WDR19: variants seen among roughly 807,000 people sequenced by gnomAD.
WDR19 encodes the protein WD repeat-containing protein 19.
In WDR19, 121 loss-of-function variants were observed where a neutral mutation model predicts 180.0. The ratio of observed to expected loss-of-function variants is 0.67; its 90% confidence interval spans 0.58 to 0.78. The LOEUF (loss-of-function observed/expected upper bound fraction) is 0.78, where lower values mean the gene tolerates loss of function less well. Among genes scored for constraint, WDR19 ranks in the 30% least tolerant of loss-of-function variants. The pLI is 0.00. For synonymous variants in WDR19, 497 were observed against 540.7 expected, an observed-to-expected ratio of 0.92 and a Z score of 1.12; for missense variants, 1,450 against 1,640.7, an observed-to-expected ratio of 0.88 and a Z score of 2.01.
At position 39,274,893 on chromosome 4, in the gene WDR19, G is replaced by T; in HGVS notation, c.3651G>T (p.Leu1217Phe). 1.2e-6 allele frequency: 2 copies of T among 1,614,052 alleles called. No individual in the cohort carries two copies. Among genetic ancestry groups the T allele is most frequent in the Non-Finnish European group, 1.7e-6 (2 of 1,179,900 alleles). Reference protein sequence around the residue: ...KNSAFSFAAMLMRPEYRSKID... With the variant: ...KNSAFSFAAMFMRPEYRSKID... ...CTGCTTTCAGCTTCGCAGCTATGTT[G>T]ATGAGGCCTGAATACCGCAGCAAAA... The change falls in exon 33 of 37, where the codon TTG becomes TTT. Residue 1217 changes from leucine to phenylalanine, a missense_variant. By Grantham distance (22) the Leu-to-Phe change is conservative (BLOSUM62 0). Transcript: ENST00000399820.
chr4:39,284,118 A>G (rs193184458), intron 36 of WDR19, among the ~76,000 whole-genome samples: 6 of 151,700 alleles, frequency 4.0e-5, no homozygotes, highest in Admixed American at 1.3e-4. Flanking sequence ...TTTTCCCTCA[A>G]TTGGGACATT....
chr4:39,253,021 A>G (rs780930067), intron 24 of WDR19, 125 bp from the exon 25 acceptor site: 12 of 923,802 alleles, frequency 1.3e-5, no homozygotes, highest in African/African-American at 1.7e-5. Flanking sequence ...GATAAAGGAA[A>G]AAGAAGTTCA....
chr4:39,264,061 T>C (rs1490019150), intron 28 of WDR19, among the ~76,000 whole-genome samples: 1 of 152,242 alleles, frequency 6.6e-6, no homozygotes, highest in Non-Finnish European at 1.5e-5. Flanking sequence ...GTATTTTTAT[T>C]GTCTGTATTT....
intron 1 of WDR19, 86 bp from the exon 2 acceptor site, chr4:39,185,640 G>T: frequency 2.4e-6 from 3 of 1,258,272 alleles, no homozygotes; most frequent in Non-Finnish European, 3.4e-6. Flanking sequence ...TGAAAACATG[G>T]TTTTCATGAC....
At chr4:39,242,594 G>T (rs560481612) in intron 21 of WDR19, among the ~76,000 whole-genome samples, 8 of 152,242 alleles carry the variant, frequency 5.3e-5, no homozygotes, top group African/African-American at 1.2e-4. Context: ...AGGCCAAGGT[G>T]GGAGGAATGC....
intron 15 of WDR19, among the ~76,000 whole-genome samples, 182 bp downstream of exon 15, chr4:39,225,215 T>C (rs1437821178): frequency 6.6e-6 from 1 of 152,232 alleles, no homozygotes; most frequent in Non-Finnish European, 1.5e-5. Context: ...CTTTTTCCAT[T>C]ATTCTGTAAT....
At chr4:39,280,000 G>C (rs1205190698) in intron 36 of WDR19, among the ~76,000 whole-genome samples, 1 of 151,814 alleles carries the variant, frequency 6.6e-6, no homozygotes, top group Non-Finnish European at 1.5e-5. Context: ...GCCACACCCA[G>C]CCGGGTGTTT....
chr4:39,228,525 T>G lies in WDR19; in HGVS notation c.1817T>G (p.Phe606Cys). The part of the protein sequence containing the change: ...VILAGSTKVP[F>C]AHKPLLLYNG... ...TTGGCTGGTAGCACCAAAGTTCCTT[T>G]TGCTCATAAACCTTTGCTGCTATAT... The change falls in exon 17 of 37, where the codon TTT (phenylalanine) becomes TGT (cysteine). Residue 606 changes from phenylalanine to cysteine, a missense_variant. Coordinates refer to ENST00000399820, the MANE Select transcript of WDR19 (RefSeq NM_025132.4). 1 of 1,613,916 alleles carries G rather than the reference T, an allele frequency of 6.2e-7. No homozygotes were observed. Among genetic ancestry groups the G allele is most frequent in the Non-Finnish European group, 8.5e-7 (1 of 1,179,828 alleles).
chr4:39,210,104 G>A (rs1728339071), intron 9 of WDR19, among the ~76,000 whole-genome samples: 1 of 152,116 alleles, frequency 6.6e-6, no homozygotes, highest in Admixed American at 6.6e-5. Context: ...CTTGAGAAAG[G>A]ATTAATACCA....
intron 28 of WDR19, among the ~76,000 whole-genome samples, chr4:39,264,965 C>T (rs939151416): frequency 2.6e-5 from 4 of 151,142 alleles, no homozygotes; most frequent in East Asian, 1.9e-4. Flanking sequence ...TCGCCCAGGC[C>T]GGAGTGCAGG....
intron 36 of WDR19, among the ~76,000 whole-genome samples, chr4:39,284,331 A>ATTTTTTT (rs143848496): frequency 9.8e-5 from 9 of 91,542 alleles, no homozygotes; most frequent in Admixed American, 3.0e-4. Context: ...AGTAAAAAAA[A>ATTTTTTT]TTTTTTTTTT....
At chr4:39,280,661 T>C (rs145568137) in intron 36 of WDR19, among the ~76,000 whole-genome samples, 11 of 151,406 alleles carry the variant, frequency 7.3e-5, no homozygotes, top group Middle Eastern at 3.4e-3. Context: ...AACCAACCAA[T>C]CAACCATTGT....
At chr4:39,275,050 C>T (rs951903420) in intron 33 of WDR19, 92 bp downstream of exon 33, 53 of 1,493,794 alleles carry the variant, frequency 3.5e-5, no homozygotes, top group East Asian at 1.2e-4. Flanking sequence ...AATAAGAAAA[C>T]GGTGGGGGGC....
intron 34 of WDR19, 42 bp from the exon 35 acceptor site, chr4:39,278,089 T>A (rs1183279361): frequency 6.5e-7 from 1 of 1,527,082 alleles, no homozygotes; most frequent in East Asian, 2.4e-5. Context: ...TGGGAGTTTT[T>A]AAAATAAAGA....
At chr4:39,268,113 G>C in intron 30 of WDR19, 22 bp downstream of exon 30, 2 of 1,543,876 alleles carry the variant, frequency 1.3e-6, no homozygotes, top group Non-Finnish European at 1.8e-6. Flanking sequence ...ATACGTATGT[G>C]TTACTTCCCA....
rs1730527045 is a variant in WDR19, at chr4:39,228,552, A to G, written c.1844A>G (p.Asn615Ser). The stretch of plus-strand genomic sequence containing the variant: ...GCTCATAAACCTTTGCTGCTATATA[A>G]TGGAGAGCTGACCTGCCAAACACAG... ...PFAHKPLLLY[N>S]GELTCQTQSG... Residue 615 changes from asparagine to serine, a missense_variant, in exon 17 of 37, where the codon AAT becomes AGT. Physicochemically the swap from Asn to Ser is conservative, Grantham distance 46. Coordinates refer to ENST00000399820, the MANE Select transcript of WDR19 (RefSeq NM_025132.4). 1 of 1,613,848 alleles carries G rather than the reference A, an allele frequency of 6.2e-7. No homozygotes were observed. The highest frequency in any genetic ancestry group is 1.3e-5 in the African/African-American group (1 of 74,924).
At chr4:39,282,711 T>G (rs1736682298) in intron 36 of WDR19, among the ~76,000 whole-genome samples, 1 of 152,242 alleles carries the variant, frequency 6.6e-6, no homozygotes, top group African/African-American at 2.4e-5. Flanking sequence ...TTTGCAGTTT[T>G]GAATAAAGAA....
chr4:39,278,664 G>GT lies in WDR19; in HGVS notation c.*13+2dup. 1 of 1,593,180 alleles carries GT rather than the reference G, an allele frequency of 6.3e-7. No homozygotes were observed. Among genetic ancestry groups the GT allele is most frequent in the Non-Finnish European group, 8.6e-7 (1 of 1,164,432 alleles). ...GAGGAACTGTGATTGGCACGTGCAGGTGAGTGGCAGAGCGCCCACGCACCT... is the reference window on the plus strand; with the variant it reads ...GAGGAACTGTGATTGGCACGTGCAGGTTGAGTGGCAGAGCGCCCACGCACCT... On this transcript the variant is annotated splice_donor_variant, in intron 36 of 36. Coordinates refer to ENST00000399820, the MANE Select transcript of WDR19 (RefSeq NM_025132.4). LOFTEE classifies it low-confidence loss of function (3UTR_SPLICE).
chr4:39,274,850 G>A lies in WDR19; in HGVS notation c.3608G>A (p.Arg1203Lys). 2 of 1,614,008 alleles carry A rather than the reference G, an allele frequency of 1.2e-6. No homozygotes were observed. The highest frequency in any genetic ancestry group is 4.5e-5 in the East Asian group (2 of 44,884). The change falls in exon 33 of 37, where the codon AGG (arginine) becomes AAG (lysine). Residue 1203 changes from arginine (R) to lysine (K), a missense_variant. Transcript: ENST00000399820. ...ILTSTVIECH[R>K]AGLKNSAFSF... ...ACGTCAACTGTGATTGAGTGTCACA[G>A]GGCAGGCCTGAAGAACTCTGCTTTC...
Sources: gnomAD v4.1 joint callset for allele counts (sites outside exome capture counted in the v4.1 genomes callset) on GRCh38, gnomAD v4.1.1 for gene constraint, MANE v1.5 for transcripts, NCBI Gene and HGNC (gene_info 2026-07-23, HGNC 2026-07-21) for gene names.